Variants in CCND2 observed in about 807,000 individuals in gnomAD.
The protein encoded by CCND2 is cyclin D2.
In CCND2, 6 loss-of-function variants were observed where a neutral mutation model predicts 30.2. The observed-to-expected ratio is 0.20, with a 90% CI of 0.11 to 0.39. CCND2 has a LOEUF of 0.39. Ranked by LOEUF, CCND2 falls within the 10% of genes least tolerant of loss-of-function variation. The probability of loss-of-function intolerance (pLI) is 1.00; values close to 1 mark genes in which losing one functional copy is unlikely to be tolerated. For missense variants in CCND2, 235 were observed against 373.4 expected, an observed-to-expected ratio of 0.63 and a Z score of 3.06; for synonymous variants, 150 against 153.1, an observed-to-expected ratio of 0.98 and a Z score of 0.15.
At chr12:4,298,797 C>T (rs916865944) in intron 4 of CCND2, among the ~76,000 whole-genome samples, 1 of 152,220 alleles carries the variant, frequency 6.6e-6, no homozygotes, top group African/African-American at 2.4e-5. Flanking sequence ...TTTGCACCCT[C>T]TTACTAGCAC....
chr12:4,276,359 G>A lies in CCND2; in HGVS notation c.411+139G>A. 1 of 670,534 alleles carries A rather than the reference G, an allele frequency of 1.5e-6. No individual in the cohort carries two copies. Among genetic ancestry groups the A allele is most frequent in the Non-Finnish European group, 2.5e-6 (1 of 397,862 alleles). The allele number at this position is 670,534 out of a possible 1,614,324, so 41.5% of individuals were successfully genotyped here. ...ACCAATAGAATTTACCCACTTATGG[G>A]CGATAGCTCATTTAATAGGAAACCA... On this transcript the variant is annotated intron_variant, in intron 2 of 4. Coordinates refer to ENST00000261254, the MANE Select transcript of CCND2 (RefSeq NM_001759.4). The surrounding 1 kb of genome is among the most constrained non-coding windows in gnomAD (Gnocchi z 4.8).
At position 4,276,163 on chromosome 12, in the gene CCND2, G is replaced by C. The variant is rs1233414806; in HGVS notation, c.354G>C (p.Leu118=). Residue 118 remains leucine (L), a synonymous_variant, in exon 2 of 5, where the codon CTG becomes CTC. Coordinates refer to ENST00000261254, the MANE Select transcript of CCND2 (RefSeq NM_001759.4). This position sits in a 1 kb window ranked among gnomAD's most constrained non-coding sequence, Gnocchi z 4.8. The part of the protein sequence containing the change: ...LASKLKETSP[L]TAEKLCIYTD... The stretch of plus-strand genomic sequence containing the variant: ...CCAAACTCAAAGAGACCAGCCCGCT[G>C]ACCGCGGAGAAGCTGTGCATTTACA... The C allele has an allele frequency of 6.2e-7, 1 of 1,614,090 alleles. No individual in the cohort carries two copies. The highest frequency in any genetic ancestry group is 2.2e-5 in the East Asian group (1 of 44,902).
At chr12:4,288,339 C>T (rs901277384) in intron 3 of CCND2, among the ~76,000 whole-genome samples, 7 of 151,622 alleles carry the variant, frequency 4.6e-5, no homozygotes, top group African/African-American at 1.7e-4. Flanking sequence ...AGATTTTGCC[C>T]GTTTCTCCCA....
chr12:4,300,956 A>T lies in CCND2; in HGVS notation c.*947A>T. ...GTCTGGTTCACAGTTTAGCATTGTT[A>T]TAAACCATTCCATTCGAAAAGCACT... is the stretch of plus-strand genomic sequence containing the variant. On this transcript the variant is annotated 3_prime_UTR_variant, in exon 5 of 5. Coordinates refer to ENST00000261254, the MANE Select transcript of CCND2 (RefSeq NM_001759.4). 4.3e-6 allele frequency: 1 copy of T among 233,762 alleles called. No homozygotes were observed. Among genetic ancestry groups the T allele is most frequent in the East Asian group, 6.0e-5 (1 of 16,594 alleles). 14.5% of individuals were successfully genotyped at this position (233,762 alleles called of 1,614,324 possible).
intron 4 of CCND2, among the ~76,000 whole-genome samples, chr12:4,290,772 C>A (rs181730517): frequency 6.6e-6 from 1 of 152,328 alleles, no homozygotes; most frequent in East Asian, 1.9e-4. Flanking sequence ...CTTTTCGAGA[C>A]CGCAGGCAAG....
chr12:4,290,573 A>C (rs1193694715), intron 4 of CCND2, among the ~76,000 whole-genome samples: 1 of 80,516 alleles, frequency 1.2e-5, no homozygotes, highest in Non-Finnish European at 3.5e-5. Flanking sequence ...CAGGAGTTGG[A>C]AGCGGCCACC....
intron 1 of CCND2, among the ~76,000 whole-genome samples, chr12:4,275,725 G>T (rs1863863307): frequency 6.6e-6 from 1 of 152,118 alleles, no homozygotes; most frequent in African/African-American, 2.4e-5. Context: ...GAGCTGCCGC[G>T]GCTGCTGCGC....
Position 4,304,337 on chromosome 12 carries a change from T to G in CCND2, c.*4328T>G. 4.3e-6 allele frequency: 1 copy of G among 233,606 alleles called. No homozygotes were observed. The highest frequency in any genetic ancestry group is 1.8e-4 in the South Asian group (1 of 5,528). The allele number at this position is 233,606 out of a possible 1,614,324, so 14.5% of individuals were successfully genotyped here. Reference sequence around the variant, plus strand: ...GACAGTCCAACCTTGAGAATAGCTTTAAAAGGGAAATTAATGCTGAGATGA... The same window carrying G: ...GACAGTCCAACCTTGAGAATAGCTTGAAAAGGGAAATTAATGCTGAGATGA... On this transcript the variant is annotated 3_prime_UTR_variant, in exon 5 of 5. Transcript: ENST00000261254. The surrounding 1 kb of genome is among the most constrained non-coding windows in gnomAD (Gnocchi z 6.2).
At chr12:4,278,944 G>A in intron 3 of CCND2, 25 bp downstream of exon 3, 1 of 1,591,332 alleles carries the variant, frequency 6.3e-7, no homozygotes, top group Non-Finnish European at 8.6e-7. Flanking sequence ...GAGCCGGGGA[G>A]GGAGATGGGG....
At chr12:4,297,289 A>AGGCCGGGCTCAGTG (rs1393238960) in intron 4 of CCND2, among the ~76,000 whole-genome samples, 5 of 152,190 alleles carry the variant, frequency 3.3e-5, no homozygotes. Context: ...TTATACTTTC[A>AGGCCGGGCTCAGTG]GGCCGGGCTC....
rs1234475760 is a variant in CCND2, at chr12:4,287,686, G to A, written c.572-1156G>A. 6.6e-6 allele frequency among the ~76,000 whole-genome samples: 1 copy of A among 152,212 alleles called. No individual in the cohort carries two copies. Among genetic ancestry groups the A allele is most frequent in the East Asian group, 1.9e-4 (1 of 5,198 alleles). ...CACCCATACCATTAGGGTGACGCTC[G>A]TGTGCATCTTCTGTGGCTGATGGGT... On this transcript the variant is annotated intron_variant, in intron 3 of 4. Transcript: ENST00000261254. The surrounding 1 kb of genome is among the most constrained non-coding windows in gnomAD (Gnocchi z 4.0).
intron 3 of CCND2, among the ~76,000 whole-genome samples, chr12:4,284,681 A>G (rs2120548792): frequency 6.6e-6 from 1 of 151,412 alleles, no homozygotes. Context: ...GTCTTCTGAG[A>G]AGTGTCTCAA....
chr12:4,285,999 T>C lies in CCND2; in HGVS notation c.572-2843T>C, dbSNP rs1864018076. On this transcript the variant is annotated intron_variant, in intron 3 of 4. Transcript: ENST00000261254. The surrounding 1 kb of genome is among the most constrained non-coding windows in gnomAD (Gnocchi z 4.1). ...TGGGAGTCATTCCCATTCCAGATCCTCAAGTAAGAGCAAAGTAGACCTGTA... is the reference window on the plus strand; with the variant it reads ...TGGGAGTCATTCCCATTCCAGATCCCCAAGTAAGAGCAAAGTAGACCTGTA... Among the ~76,000 whole-genome samples the C allele has an allele frequency of 6.6e-6, 1 of 152,120 alleles. No individual in the cohort carries two copies. Among genetic ancestry groups the C allele is most frequent in the African/African-American group, 2.4e-5 (1 of 41,398 alleles).
chr12:4,295,268 G>C (rs1385636180), intron 4 of CCND2, among the ~76,000 whole-genome samples: 3 of 152,208 alleles, frequency 2.0e-5, no homozygotes, highest in Non-Finnish European at 4.4e-5. Flanking sequence ...TAGAATGAGG[G>C]ATTTGTGTAG....
rs757391391 is a variant in CCND2 at position 4,274,109 on chromosome 12, C to T, written c.69C>T (p.Asp23=). Residue 23 remains aspartate (D), a synonymous_variant, in exon 1 of 5, where the codon GAC becomes GAT. Transcript: ENST00000261254. The surrounding 1 kb of genome is among the most constrained non-coding windows in gnomAD (Gnocchi z 7.7). ...TGCGGGACCGCAACCTGCTCCGAGA[C>T]GACCGCGTCCTGCAGAACCTGCTCA... ...RAVRDRNLLR[D]DRVLQNLLTI... 1.2e-6 allele frequency: 2 copies of T among 1,614,016 alleles called. No homozygotes were observed. The highest frequency in any genetic ancestry group is 1.7e-5 in the Admixed American group (1 of 60,032).
chr12:4,289,061 T>A (rs1214941302), intron 4 of CCND2, 71 bp downstream of exon 4: 7 of 1,415,874 alleles, frequency 4.9e-6, no homozygotes, highest in Non-Finnish European at 5.7e-6. Context: ...ACGACGGATT[T>A]GATTATGTTG....
At chr12:4,281,349 C>T (rs1054064383) in intron 3 of CCND2, among the ~76,000 whole-genome samples, 1 of 152,174 alleles carries the variant, frequency 6.6e-6, no homozygotes, top group Non-Finnish European at 1.5e-5. Context: ...CACCGAAGGC[C>T]GCTTTTCTTG....
chr12:4,286,256 C>G (rs143852934), intron 3 of CCND2, among the ~76,000 whole-genome samples: 212 of 152,340 alleles, frequency 1.4e-3, no homozygotes, highest in African/African-American at 4.9e-3. Context: ...TCACGACCCA[C>G]AAATGCATTT....
chr12:4,292,050 A>G (rs1341603192), intron 4 of CCND2, among the ~76,000 whole-genome samples: 1 of 152,194 alleles, frequency 6.6e-6, no homozygotes, highest in African/African-American at 2.4e-5. Flanking sequence ...GCCACACAGC[A>G]GTGTGAATGT....
Sources: gnomAD v4.1 joint callset for allele counts (sites outside exome capture counted in the v4.1 genomes callset) on GRCh38, gnomAD v4.1.1 for gene constraint, Gnocchi (gnomAD v3.1) non-coding constraint, MANE v1.5 for transcripts, NCBI Gene and HGNC (gene_info 2026-07-23, HGNC 2026-07-21) for gene names.